Variants in GGT5 observed in about 807,000 individuals in gnomAD.
GGT5 encodes the protein glutathione hydrolase 5 proenzyme.
In GGT5, 50 loss-of-function variants were observed where a neutral mutation model predicts 58.1. The ratio of observed to expected loss-of-function variants is 0.86; its 90% CI spans 0.69 to 1.09. The LOEUF is 1.09. GGT5 is among the 50% of genes least tolerant of loss of function. GGT5 has a pLI of 0.00. For synonymous variants in GGT5, 370 were observed against 346.1 expected, an observed-to-expected ratio of 1.07 and a Z score of -0.77; for missense variants, 800 against 789.4, an observed-to-expected ratio of 1.01 and a Z score of -0.16.
chr22:24,225,777 T>C (rs1052063709), intron 8 of GGT5, 125 bp from the exon 9 acceptor site: 1 of 697,702 alleles, frequency 1.4e-6, no homozygotes, highest in Non-Finnish European at 2.5e-6. Flanking sequence ...GAAGCCGCTA[T>C]TCTCTCCCTG....
intron 11 of GGT5, among the ~76,000 whole-genome samples, chr22:24,222,968 T>C (rs1601370843): frequency 6.6e-6 from 1 of 151,890 alleles, no homozygotes; most frequent in Admixed American, 6.6e-5. Context: ...TCCCAGCTAC[T>C]TGGGAGGATG....
intron 1 of GGT5, among the ~76,000 whole-genome samples, chr22:24,235,673 A>C (rs574997446): frequency 6.6e-6 from 1 of 152,346 alleles, no homozygotes; most frequent in Non-Finnish European, 1.5e-5. Flanking sequence ...TATAAGAATA[A>C]AACACCATAA....
At chr22:24,222,061 C>T (rs1224153508) in intron 11 of GGT5, among the ~76,000 whole-genome samples, 1 of 151,976 alleles carries the variant, frequency 6.6e-6, no homozygotes, top group Non-Finnish European at 1.5e-5. Context: ...CACTTGTAAT[C>T]CCAGCTACTT....
intron 10 of GGT5, 37 bp downstream of exon 10, chr22:24,225,208 A>G: frequency 4.4e-6 from 7 of 1,605,082 alleles, no homozygotes; most frequent in Non-Finnish European, 6.0e-6. Flanking sequence ...TATGCTGCCC[A>G]GAGAGGAGAC....
At chr22:24,231,007 AC>A (rs1013981159) in intron 6 of GGT5, among the ~76,000 whole-genome samples, 8 of 152,094 alleles carry the variant, frequency 5.3e-5, no homozygotes, top group East Asian at 1.9e-4. Flanking sequence ...CACTGCCAGA[AC>A]CCCCCTGCAG....
At chr22:24,224,312 C>T (rs2047684623) in intron 11 of GGT5, among the ~76,000 whole-genome samples, 1 of 151,792 alleles carries the variant, frequency 6.6e-6, no homozygotes, top group Admixed American at 6.6e-5. Context: ...GAGTTCAAGA[C>T]CAGCCTAGGC....
chr22:24,225,426 G>A lies in GGT5; in HGVS notation c.1337-15C>T, dbSNP rs55890517. The A allele has an allele frequency of 3.2e-3, 5,107 of 1,605,536 alleles. 152 individuals are homozygous for A. The African/African-American group carries it at 0.06, about 19-fold the overall frequency. ...GTCTCCACTCACTGCTGAGCAAACA[G>A]CGTCTTGGCAAGTGCAGTGACCCAT... is the stretch of plus-strand genomic sequence containing the variant. On this transcript the variant is annotated splice_polypyrimidine_tract_variant and intron_variant, in intron 9 of 11. Transcript: ENST00000327365.
rs542343550 is a variant in GGT5 at position 24,219,871 on chromosome 22, G to A, written c.*99C>T. 20 of 1,197,224 alleles carry A rather than the reference G, an allele frequency of 1.7e-5. 1 individual carries two copies. In the East Asian group the frequency reaches 2.6e-4, roughly 16 times the overall value. 74.2% of individuals were successfully genotyped at this position (1,197,224 alleles called of 1,614,324 possible). ...CTCTCAGCTGGACTCCCCTGCCAGGGGTCCAGATCCTGCCAGAGTAGTTGG... is the reference window on the plus strand; with the variant it reads ...CTCTCAGCTGGACTCCCCTGCCAGGAGTCCAGATCCTGCCAGAGTAGTTGG... On this transcript the variant is annotated 3_prime_UTR_variant, in exon 12 of 12. Coordinates refer to ENST00000327365, the MANE Select transcript of GGT5 (RefSeq NM_004121.5).
chr22:24,219,764 G>A lies in GGT5; in HGVS notation c.*206C>T. The A allele has an allele frequency of 1.4e-5, 8 of 582,466 alleles. No homozygotes were observed. In the South Asian group the frequency reaches 1.7e-4, roughly 12 times the overall value. The allele number at this position is 582,466 out of a possible 1,614,324, so 36.1% of individuals were successfully genotyped here. On this transcript the variant is annotated 3_prime_UTR_variant, in exon 12 of 12. Coordinates refer to ENST00000327365, the MANE Select transcript of GGT5 (RefSeq NM_004121.5). ...CGGAGGGATAGAGGGGCCGGTTCAG[G>A]ACCACCAGGGGCTCTGGGAAAGGGG...
At chr22:24,243,516 G>A (rs2048380107) in intron 1 of GGT5, 1 of 152,250 alleles carries the variant, frequency 6.6e-6, no homozygotes, top group Non-Finnish European at 1.5e-5. Flanking sequence ...CAGAGAGAGA[G>A]AGCAGCCACT....
intron 1 of GGT5, among the ~76,000 whole-genome samples, chr22:24,237,166 G>A (rs2048122903): frequency 6.6e-6 from 1 of 152,070 alleles, no homozygotes; most frequent in African/African-American, 2.4e-5. Flanking sequence ...CTCCTGAGTA[G>A]CTGGGACTAT....
At chr22:24,223,084 C>T (rs939169138) in intron 11 of GGT5, among the ~76,000 whole-genome samples, 2 of 144,360 alleles carry the variant, frequency 1.4e-5, no homozygotes, top group South Asian at 2.2e-4. Context: ...AGCGAGACTC[C>T]GTCTCAAAAA....
intron 10 of GGT5, 39 bp from the exon 11 acceptor site, chr22:24,225,145 C>T (rs1242183485): frequency 1.9e-6 from 3 of 1,572,620 alleles, no homozygotes; most frequent in East Asian, 2.2e-5. Flanking sequence ...AAAGGGGGCA[C>T]CCTGCTACCC....
At chr22:24,227,147 G>A (rs1055829805) in intron 6 of GGT5, among the ~76,000 whole-genome samples, 1 of 150,164 alleles carries the variant, frequency 6.7e-6, no homozygotes, top group Non-Finnish European at 1.5e-5. Flanking sequence ...ACAGGATTTC[G>A]CCATGTTGTT....
chr22:24,226,609 C>CCAGCAAACT (rs773695769), intron 7 of GGT5, 22 bp downstream of exon 7: 1 of 1,613,106 alleles, frequency 6.2e-7, no homozygotes, highest in African/African-American at 1.3e-5. Context: ...GCCCACCAGC[C>CCAGCAAACT]CAGCAACCTC....
Position 24,232,140 on chromosome 22 carries a change from G to A in GGT5, c.665C>T (p.Thr222Ile), listed in dbSNP as rs2047962109. 18 of 1,604,182 alleles carry A rather than the reference G, an allele frequency of 1.1e-5. No individual in the cohort carries two copies. Among genetic ancestry groups the A allele is most frequent in the Non-Finnish European group, 1.4e-5 (17 of 1,174,190 alleles). The change falls in exon 5 of 12, where the codon ACC becomes ATC. Residue 222 changes from threonine (T) to isoleucine (I), a missense_variant. Physicochemically the swap from Thr to Ile is moderately conservative, Grantham distance 89. Transcript: ENST00000327365. ...CTCTGTGGCCACGGTCTCCAGGGTGGTGGCCAGTGCAGGCCATGGGAGTGG... is the reference window on the plus strand; with the variant it reads ...CTCTGTGGCCACGGTCTCCAGGGTGATGGCCAGTGCAGGCCATGGGAGTGG... Reference protein sequence around the residue: ...QDPLPWPALATTLETVATEGV... With the variant: ...QDPLPWPALAITLETVATEGV...
At chr22:24,231,338 G>A (rs1279461291) in intron 6 of GGT5, 46 bp downstream of exon 6, 22 of 1,394,782 alleles carry the variant, frequency 1.6e-5, no homozygotes, top group Admixed American at 8.0e-5. Context: ...GGGGCCGGGG[G>A]TGCGGGGGAG....
chr22:24,244,797 G>A lies in GGT5; in HGVS notation c.-72C>T. 1 of 1,509,774 alleles carries A rather than the reference G, an allele frequency of 6.6e-7. No individual in the cohort carries two copies. The highest frequency in any genetic ancestry group is 8.9e-7 in the Non-Finnish European group (1 of 1,126,732). The allele number at this position is 1,509,774 out of a possible 1,614,324, so 93.5% of individuals were successfully genotyped here. A position where few individuals can be genotyped will look rare whatever the true frequency, so the allele number is the denominator to read the frequency against. Reference sequence around the variant, plus strand: ...GGACGGATGGGTGGGCAGATGAATGGACAAGAAGATGCACAGAGTCACAGG... The same window carrying A: ...GGACGGATGGGTGGGCAGATGAATGAACAAGAAGATGCACAGAGTCACAGG... On this transcript the variant is annotated 5_prime_UTR_variant, in exon 1 of 12. Transcript: ENST00000327365.
rs376403087 is a variant in GGT5, at chr22:24,233,048, G to A, written c.401-30C>T. ...ATGGCACATCCCAGCTCTCAACCCT[G>A]TGGCTTCCAGGCCTTCCCAGGTTTG... is the stretch of plus-strand genomic sequence containing the variant. On this transcript the variant is annotated intron_variant, in intron 3 of 11. Coordinates refer to ENST00000327365, the MANE Select transcript of GGT5 (RefSeq NM_004121.5). 2.1e-4 allele frequency: 305 copies of A among 1,436,142 alleles called. 1 individual carries two copies. The African/African-American group carries it at 4.1e-3, about 19-fold the overall frequency. The allele number at this position is 1,436,142 out of a possible 1,614,324, so 89.0% of individuals were successfully genotyped here.
Sources: allele counts gnomAD v4.1 joint callset (sites outside exome capture counted in the v4.1 genomes callset), GRCh38; gene constraint gnomAD v4.1.1; transcripts MANE v1.5; gene names NCBI Gene and HGNC (gene_info 2026-07-23, HGNC 2026-07-21).